The following GALNT6 variants were observed in gnomAD, a reference collection of about 807,000 sequenced individuals.
GALNT6 encodes the protein GalNAc transferase 6.
A neutral mutation model predicts 65.9 loss-of-function variants in GALNT6; 51 were observed. The observed-to-expected ratio is 0.77, with a 90% CI of 0.62 to 0.98. The LOEUF (loss-of-function observed/expected upper bound fraction) is 0.98, where lower values mean the gene tolerates loss of function less well. Among genes scored for constraint, GALNT6 ranks in the 50% least tolerant of loss-of-function variants. GALNT6 has a pLI of 0.00. For synonymous variants in GALNT6, 323 were observed against 315.1 expected, an observed-to-expected ratio of 1.02 and a Z score of -0.26; for missense variants, 708 against 803.3, an observed-to-expected ratio of 0.88 and a Z score of 1.43.
intron 10 of GALNT6, 91 bp downstream of exon 10, chr12:51,357,258 T>C (rs1946775249): frequency 2.5e-6 from 2 of 802,398 alleles, no homozygotes; most frequent in African/African-American, 1.7e-5. Flanking sequence ...TGGTATCTCC[T>C]CCCTCCCAGT....
Position 51,364,308 on chromosome 12 carries a change from C to T in GALNT6, c.862G>A (p.Glu288Lys), listed in dbSNP as rs757289988. 1.9e-6 allele frequency: 3 copies of T among 1,614,082 alleles called. No homozygotes were observed. In the African/African-American group the frequency reaches 4.0e-5, roughly 22 times the overall value. ...WLEPLLARIA[E>K]DKTVVVSPDI... ...GGGCTCACCACCACTGTCTTGTCCT[C>T]AGCGATTCGAGCCAGGAGGGGCTCC... is the stretch of plus-strand genomic sequence containing the variant. Residue 288 changes from glutamate to lysine, a missense_variant, in exon 6 of 12, where the codon GAG becomes AAG. Transcript: ENST00000356317.
chr12:51,380,955 A>T (rs1267522380), intron 2 of GALNT6, among the ~76,000 whole-genome samples: 1 of 152,098 alleles, frequency 6.6e-6, no homozygotes, highest in Admixed American at 6.6e-5. Flanking sequence ...TACGTATTTT[A>T]TAAATATTTC....
intron 5 of GALNT6, 48 bp from the exon 6 acceptor site, chr12:51,364,403 G>C (rs940235509): frequency 5.2e-6 from 7 of 1,340,522 alleles, no homozygotes; most frequent in African/African-American, 2.9e-5. Flanking sequence ...GCCCACAGCA[G>C]AGCCCAAGCT....
In GALNT6 at chr12:51,365,550, C is replaced by G; in HGVS notation, c.694G>C (p.Val232Leu). The G allele has an allele frequency of 6.2e-7, 1 of 1,613,628 alleles. No homozygotes were observed. The highest frequency in any genetic ancestry group is 8.5e-7 in the Non-Finnish European group (1 of 1,179,964). Residue 232 changes from valine to leucine, a missense_variant, in exon 5 of 12, where the codon GTG becomes CTG. Val to Leu is a conservative substitution (Grantham distance 32). Coordinates refer to ENST00000356317, the MANE Select transcript of GALNT6 (RefSeq NM_007210.4). ...EHLKEKLEQY[V>L]KQLQVVRVVR... is the part of the protein sequence containing the mutation. ...ACCCTCACCACCTGCAGCTGCTTCA[C>G]GTACTGCTCCAGCTTCTCCTTTAGG...
At chr12:51,384,691 C>CAAA (rs747557675) in intron 2 of GALNT6, among the ~76,000 whole-genome samples, 97 of 89,278 alleles carry the variant, frequency 1.1e-3, no homozygotes, top group Admixed American at 1.5e-3. Context: ...GACTCTGTCT[C>CAAA]AAAAAAAAAA....
At chr12:51,373,774 C>T (rs887711439) in intron 4 of GALNT6, among the ~76,000 whole-genome samples, 1 of 152,250 alleles carries the variant, frequency 6.6e-6, no homozygotes, top group African/African-American at 2.4e-5. Context: ...AAACTCTTCA[C>T]CCTTCCCTTT....
At position 51,354,400 on chromosome 12, in the gene GALNT6, A is replaced by C. The variant is rs1946686224; in HGVS notation, c.1848T>G (p.His616Gln). The change falls in exon 12 of 12, where the codon CAT becomes CAG. Residue 616 changes from histidine (H) to glutamine (Q), a missense_variant. By Grantham distance (24) the His-to-Gln change is conservative. Coordinates refer to ENST00000356317, the MANE Select transcript of GALNT6 (RefSeq NM_007210.4). ...AMAPCNPSDP[H>Q]QLWLFV is the part of the protein sequence containing the mutation. The stretch of plus-strand genomic sequence containing the variant: ...GGTCCTAGACAAAGAGCCACAACTG[A>C]TGGGGGTCACTGGGATTGCAGGGGG... The C allele has an allele frequency of 2.5e-6, 4 of 1,572,162 alleles. No individual in the cohort carries two copies. The highest frequency in any genetic ancestry group is 3.4e-6 in the Non-Finnish European group (4 of 1,162,936).
chr12:51,355,916 C>T lies in GALNT6; in HGVS notation c.1645G>A (p.Ala549Thr), dbSNP rs759187926. 18 of 1,613,306 alleles carry T rather than the reference C, an allele frequency of 1.1e-5. No individual in the cohort carries two copies. Among genetic ancestry groups the T allele is most frequent in the African/African-American group, 9.4e-5 (7 of 74,854 alleles). ...TTQRDLRHNI[A>T]KQLCLHVSKG... ...CTGACATGTAGACACAGCTGCTTTG[C>T]GATGTTGTGGCGAAGGTCCCTCTGA... The change falls in exon 11 of 12, where the codon GCA (alanine) becomes ACA (threonine). Residue 549 changes from alanine to threonine, a missense_variant. Coordinates refer to ENST00000356317, the MANE Select transcript of GALNT6 (RefSeq NM_007210.4).
At chr12:51,371,071 T>TTATTATTATTAG (rs1947280542) in intron 4 of GALNT6, among the ~76,000 whole-genome samples, 1 of 139,042 alleles carries the variant, frequency 7.2e-6, no homozygotes, top group African/African-American at 3.1e-5. Context: ...ATTATTATTA[T>TTATTATTATTAG]TATTATTATT....
chr12:51,380,785 C>T (rs779406858), intron 2 of GALNT6, among the ~76,000 whole-genome samples: 80 of 152,116 alleles, frequency 5.3e-4, no homozygotes, highest in Admixed American at 2.2e-3. Flanking sequence ...AGCAAGACTC[C>T]GTCTCCCCAC....
intron 4 of GALNT6, among the ~76,000 whole-genome samples, chr12:51,373,071 A>G (rs1050527137): frequency 6.6e-6 from 1 of 152,174 alleles, no homozygotes; most frequent in Admixed American, 6.5e-5. Flanking sequence ...TTTTGATTTT[A>G]CAGGCTCATA....
chr12:51,372,082 C>CA (rs1947310022), intron 4 of GALNT6, among the ~76,000 whole-genome samples: 1 of 152,064 alleles, frequency 6.6e-6, no homozygotes, highest in Non-Finnish European at 1.5e-5. Flanking sequence ...GAATTAAATG[C>CA]AAAAATGTGG....
chr12:51,379,348 A>G lies in GALNT6; in HGVS notation c.434T>C (p.Phe145Ser). 1 of 1,540,068 alleles carries G rather than the reference A, an allele frequency of 6.5e-7. No homozygotes were observed. Among genetic ancestry groups the G allele is most frequent in the Non-Finnish European group, 8.7e-7 (1 of 1,147,174 alleles). Residue 145 changes from phenylalanine (F) to serine (S), a missense_variant, in exon 3 of 12, where the codon TTT (phenylalanine) becomes TCT (serine). Phe to Ser is a radical substitution (Grantham distance 155). Transcript: ENST00000356317. ...EGYKKHCFNA[F>S]ASDRISLQRS... ...CTGCAGGGAGATCCGGTCGCTGGCA[A>G]AGGCATTGAAACAGTGCTTCTTATA...
intron 4 of GALNT6, among the ~76,000 whole-genome samples, chr12:51,371,006 C>T (rs562927080): frequency 7.9e-5 from 12 of 151,814 alleles, no homozygotes; most frequent in East Asian, 5.8e-4. Flanking sequence ...CAAACACTGT[C>T]GGTGGCTTAC....
intron 4 of GALNT6, among the ~76,000 whole-genome samples, chr12:51,371,985 C>T (rs1947307826): frequency 6.6e-6 from 1 of 152,164 alleles, no homozygotes; most frequent in Non-Finnish European, 1.5e-5. Context: ...CTCCTTTCCT[C>T]ACTGAACTGA....
intron 2 of GALNT6, among the ~76,000 whole-genome samples, chr12:51,386,356 C>T (rs370533280): frequency 1.3e-5 from 2 of 151,490 alleles, no homozygotes; most frequent in South Asian, 4.2e-4. Flanking sequence ...CCCTGAGCCT[C>T]CCCGACTCCA....
intron 4 of GALNT6, among the ~76,000 whole-genome samples, chr12:51,369,897 G>C (rs1276777790): frequency 1.3e-5 from 2 of 152,036 alleles, no homozygotes; most frequent in Non-Finnish European, 2.9e-5. Flanking sequence ...ATCTATTCTT[G>C]ACACGGCAGC....
At chr12:51,390,156 CTTTTTTTTT>C (rs796243349) in intron 2 of GALNT6, among the ~76,000 whole-genome samples, 2 of 116,306 alleles carry the variant, frequency 1.7e-5, no homozygotes, top group Non-Finnish European at 3.5e-5. Context: ...TTCTTTCTTT[CTTTTTTTTT>C]TTTTTTTTTT....
At position 51,365,497 on chromosome 12, in the gene GALNT6, C is replaced by T; in HGVS notation, c.747G>A (p.Leu249=). 4 of 1,612,476 alleles carry T rather than the reference C, an allele frequency of 2.5e-6. No individual in the cohort carries two copies. In the South Asian group the frequency reaches 3.3e-5, roughly 13 times the overall value. Residue 249 remains leucine (L), a synonymous_variant, in exon 5 of 12, where the codon CTG becomes CTA. Coordinates refer to ENST00000356317, the MANE Select transcript of GALNT6 (RefSeq NM_007210.4). Reference sequence around the variant, plus strand: ...TGGCCCCCAGCAGCCGGGCGGTGATCAGCCCCTTCCGCTCCTCCTGCCGCA... The same window carrying T: ...TGGCCCCCAGCAGCCGGGCGGTGATTAGCCCCTTCCGCTCCTCCTGCCGCA... ...RVVRQEERKG[L]ITARLLGASV...
Sources: allele counts gnomAD v4.1 joint callset (sites outside exome capture counted in the v4.1 genomes callset), GRCh38; gene constraint gnomAD v4.1.1; transcripts MANE v1.5; gene names NCBI Gene and HGNC (gene_info 2026-07-23, HGNC 2026-07-21).